IL1RAP: variants seen among roughly 807,000 people sequenced by gnomAD.
IL1RAP encodes interleukin-1 receptor accessory protein.
IL1RAP carries 35 observed loss-of-function variants against 60.7 expected under a neutral mutation model. That is an observed-to-expected ratio of 0.58 (90% CI 0.44 to 0.76). The LOEUF is 0.76. Ranked by LOEUF, IL1RAP falls within the 30% of genes least tolerant of loss-of-function variation. IL1RAP has a pLI of 0.00. For missense variants in IL1RAP, 572 were observed against 693.9 expected (o/e 0.82, Z 1.97); for synonymous variants, 268 against 250.9 (o/e 1.07, Z -0.64).
chr3:190,620,420 C>T lies in IL1RAP; in HGVS notation c.683C>T (p.Thr228Ile). The T allele has an allele frequency of 6.2e-7, 1 of 1,612,058 alleles. No individual in the cohort carries two copies. Among genetic ancestry groups the T allele is most frequent in the East Asian group, 2.2e-5 (1 of 44,808 alleles). Residue 228 changes from threonine (T) to isoleucine (I), a missense_variant, in exon 6 of 12, where the codon ACT (threonine) becomes ATT (isoleucine). Physicochemically the swap from Thr to Ile is moderately conservative, Grantham distance 89. Coordinates refer to ENST00000447382, the MANE Select transcript of IL1RAP (RefSeq NM_002182.4). ...GGACGTACGTTTCATCTCACCAGGA[C>T]TCTGACTGTAAAGGTAGTAGGTAAG... ...ENGRTFHLTRTLTVKVVGSPK... is the reference protein window; with the variant it reads ...ENGRTFHLTRILTVKVVGSPK...
intron 7 of IL1RAP, chr3:190,625,274 G>T (rs1732152631): frequency 6.6e-6 from 1 of 152,114 alleles, no homozygotes; most frequent in South Asian, 2.1e-4. Context: ...GTCCTCTTTG[G>T]GGTAGGGATG....
intron 2 of IL1RAP, among the ~76,000 whole-genome samples, chr3:190,559,081 A>G (rs929626826): frequency 6.6e-5 from 10 of 152,166 alleles, no homozygotes; most frequent in African/African-American, 9.7e-5. Context: ...TTATTGGACT[A>G]TTCAGGTCGT....
intron 3 of IL1RAP, among the ~76,000 whole-genome samples, chr3:190,595,756 G>A (rs575476928): frequency 1.1e-4 from 17 of 152,108 alleles, no homozygotes; most frequent in Admixed American, 6.5e-4. Flanking sequence ...TCCACCCTCC[G>A]CCCTGTTTAC....
downstream of IL1RAP, among the ~76,000 whole-genome samples, chr3:190,652,544 A>T (rs1734449118): frequency 2.0e-5 from 3 of 152,180 alleles, no homozygotes; most frequent in Admixed American, 2.0e-4. Flanking sequence ...TCTTCTACTG[A>T]AGAATTAATT....
chr3:190,615,522 C>A (rs562141435), intron 5 of IL1RAP, among the ~76,000 whole-genome samples: 10 of 152,064 alleles, frequency 6.6e-5, no homozygotes, highest in African/African-American at 2.4e-4. Context: ...ATTTTCTCAC[C>A]GAGGATCAAA....
At chr3:190,615,309 G>GT (rs1731171459) in intron 5 of IL1RAP, 1 of 1,281,258 alleles carries the variant, frequency 7.8e-7, no homozygotes, top group East Asian at 5.6e-5. Flanking sequence ...AGACTGCCTT[G>GT]TTTATTCACA....
At chr3:190,647,028 C>T (rs558535468) in intron 11 of IL1RAP, among the ~76,000 whole-genome samples, 54 of 152,318 alleles carry the variant, frequency 3.5e-4, no homozygotes, top group African/African-American at 1.3e-3. Flanking sequence ...GGGTAAGACC[C>T]TCCAATAGGG....
chr3:190,564,947 A>G (rs1361972242), intron 3 of IL1RAP, among the ~76,000 whole-genome samples: 1 of 152,136 alleles, frequency 6.6e-6, no homozygotes, highest in African/African-American at 2.4e-5. Context: ...TTGCTATTTG[A>G]AAGTCCATCT....
At chr3:190,634,266 G>T (rs1378659066) in intron 9 of IL1RAP, among the ~76,000 whole-genome samples, 1 of 150,740 alleles carries the variant, frequency 6.6e-6, no homozygotes, top group African/African-American at 2.4e-5. Flanking sequence ...TTTTGTCACA[G>T]ATTTTTGTTC....
intron 1 of IL1RAP, among the ~76,000 whole-genome samples, chr3:190,523,137 A>C (rs186417653): frequency 6.8e-4 from 103 of 152,232 alleles, no homozygotes; most frequent in Admixed American, 2.2e-3. Context: ...CTAGATAACT[A>C]CTTGGCTAAC....
chr3:190,566,926 G>A (rs1201936606), intron 3 of IL1RAP, among the ~76,000 whole-genome samples: 1 of 152,168 alleles, frequency 6.6e-6, no homozygotes, highest in Non-Finnish European at 1.5e-5. Context: ...CCTGTGCTCA[G>A]GTTCCCATCT....
intron 9 of IL1RAP, among the ~76,000 whole-genome samples, chr3:190,634,302 T>TG (rs1235355703): frequency 6.6e-6 from 1 of 151,596 alleles, no homozygotes; most frequent in Non-Finnish European, 1.5e-5. Flanking sequence ...TTTTTTTTTT[T>TG]TTTGAGACAG....
rs199925651 is a variant in IL1RAP, at chr3:190,542,725, GT to G, written c.-88-13402del. ...CAGTTTAAAAACTCCAGATCTCAGA[GT>G]TTGGGTAGTGATTTGAAAGGGCTCA... On this transcript the variant is annotated intron_variant, in intron 1 of 11. Coordinates refer to ENST00000447382, the MANE Select transcript of IL1RAP (RefSeq NM_002182.4). Among the ~76,000 whole-genome samples, 1,212 of 152,080 alleles carry G rather than the reference GT, an allele frequency of 8.0e-3. 16 individuals are homozygous for G. Among genetic ancestry groups the G allele is most frequent in the African/African-American group, 0.026 (1,065 of 41,496 alleles).
chr3:190,575,132 A>G (rs1727324310), intron 3 of IL1RAP, among the ~76,000 whole-genome samples: 2 of 152,132 alleles, frequency 1.3e-5, no homozygotes, highest in African/African-American at 4.8e-5. Flanking sequence ...TATAACCTCC[A>G]CATTTAGGGA....
Position 190,644,298 on chromosome 3 carries a change from G to T in IL1RAP, c.1102G>T (p.Val368Phe). The change falls in exon 10 of 12, where the codon GTC becomes TTC. Residue 368 changes from valine to phenylalanine, a missense_variant. Val to Phe is a conservative substitution (Grantham distance 50). Coordinates refer to ENST00000447382, the MANE Select transcript of IL1RAP (RefSeq NM_002182.4). Reference sequence around the variant, plus strand: ...ACTGGCTTGTGGTTTTGGAGCCACAGTCCTGCTAGTGGTGATTCTCATTGT... The same window carrying T: ...ACTGGCTTGTGGTTTTGGAGCCACATTCCTGCTAGTGGTGATTCTCATTGT... ...VELACGFGAT[V>F]LLVVILIVVY... 2 of 1,613,706 alleles carry T rather than the reference G, an allele frequency of 1.2e-6. No individual in the cohort carries two copies. Among genetic ancestry groups the T allele is most frequent in the Non-Finnish European group, 1.7e-6 (2 of 1,179,700 alleles).
At chr3:190,600,711 G>A (rs1729781200) in intron 3 of IL1RAP, among the ~76,000 whole-genome samples, 1 of 152,170 alleles carries the variant, frequency 6.6e-6, no homozygotes, top group East Asian at 1.9e-4. Context: ...TACTTCAGAG[G>A]TGTGGAAATG....
At chr3:190,623,884 G>A (rs1396348629) in intron 7 of IL1RAP, among the ~76,000 whole-genome samples, 1 of 152,088 alleles carries the variant, frequency 6.6e-6, no homozygotes, top group Non-Finnish European at 1.5e-5. Flanking sequence ...GTGGCTCTTC[G>A]GTTCTTCTTT....
downstream of IL1RAP, chr3:190,655,846 A>G (rs1451693347): frequency 4.3e-6 from 6 of 1,400,632 alleles, no homozygotes; most frequent in Non-Finnish European, 5.8e-6. Context: ...GAATATATGT[A>G]AGTTTTCACT....
chr3:190,564,407 T>C (rs1577603739), intron 3 of IL1RAP, 54 bp downstream of exon 3: 3 of 1,111,598 alleles, frequency 2.7e-6, no homozygotes, highest in Non-Finnish European at 4.2e-6. Context: ...CGTAGGGTAA[T>C]GAGTCCACTC....
Sources: gnomAD v4.1 joint callset for allele counts (sites outside exome capture counted in the v4.1 genomes callset) on GRCh38, gnomAD v4.1.1 for gene constraint, MANE v1.5 for transcripts, NCBI Gene and HGNC (gene_info 2026-07-23, HGNC 2026-07-21) for gene names.